FAF1: variants seen among roughly 807,000 people sequenced by gnomAD.
FAF1 encodes the protein Fas associated factor 1.
Under a neutral mutation model 92.5 loss-of-function variants are expected in FAF1, and 25 were observed. The observed-to-expected ratio is 0.27, with a 90% CI of 0.20 to 0.38. FAF1 has a LOEUF of 0.38. Among genes scored for constraint, FAF1 ranks in the 10% least tolerant of loss-of-function variants. The probability of loss-of-function intolerance (pLI) is 1.00; values close to 1 mark genes in which losing one functional copy is unlikely to be tolerated. For synonymous variants in FAF1, 234 were observed against 273.2 expected, an observed-to-expected ratio of 0.86 and a Z score of 1.42; for missense variants, 636 against 793.3, an observed-to-expected ratio of 0.80 and a Z score of 2.38.
chr1:50,458,031 T>C (rs1183743037), intron 18 of FAF1, among the ~76,000 whole-genome samples: 8 of 151,594 alleles, frequency 5.3e-5, no homozygotes, highest in Admixed American at 5.3e-4. Flanking sequence ...TTGACCAACA[T>C]GGAGAAACCC....
intron 1 of FAF1, among the ~76,000 whole-genome samples, chr1:50,914,770 C>T (rs1027207545): frequency 6.6e-6 from 1 of 152,176 alleles, no homozygotes; most frequent in East Asian, 1.9e-4. Context: ...CCTTCTATCT[C>T]GCTATCAAAG....
At chr1:50,770,432 G>A (rs1171523893) in intron 4 of FAF1, among the ~76,000 whole-genome samples, 3 of 152,104 alleles carry the variant, frequency 2.0e-5, no homozygotes, top group African/African-American at 4.8e-5. Flanking sequence ...ATCAATGTAC[G>A]AAAATCAGTA....
At chr1:50,752,440 T>A (rs1391040082) in intron 4 of FAF1, among the ~76,000 whole-genome samples, 1 of 152,220 alleles carries the variant, frequency 6.6e-6, no homozygotes, top group African/African-American at 2.4e-5. Flanking sequence ...AATATCACCT[T>A]ATAGTCCATG....
chr1:50,627,409 C>A (rs1653556834), intron 8 of FAF1, among the ~76,000 whole-genome samples: 1 of 151,920 alleles, frequency 6.6e-6, no homozygotes, highest in African/African-American at 2.4e-5. Flanking sequence ...TTTAAATAGC[C>A]CAGAAGTGAA....
intron 7 of FAF1, among the ~76,000 whole-genome samples, chr1:50,656,344 C>CAAAAAAAAAAAAAAA (rs77836738): frequency 1.3e-5 from 1 of 77,612 alleles, no homozygotes. Context: ...TACCACCGAC[C>CAAAAAAAAAAAAAAA]AAAAAAAAAA....
chr1:50,665,888 A>G (rs572130303), intron 7 of FAF1, among the ~76,000 whole-genome samples: 112 of 152,258 alleles, frequency 7.4e-4, no homozygotes, highest in African/African-American at 2.6e-3. Flanking sequence ...GCACAGAAAA[A>G]AGATCAGGCC....
chr1:50,637,943 C>T (rs1456964247), intron 8 of FAF1, among the ~76,000 whole-genome samples: 1 of 151,820 alleles, frequency 6.6e-6, no homozygotes, highest in Non-Finnish European at 1.5e-5. Flanking sequence ...AACACATGAT[C>T]ATGGTAGCTC....
chr1:50,825,712 C>T (rs1051329171), intron 2 of FAF1, among the ~76,000 whole-genome samples: 2 of 152,086 alleles, frequency 1.3e-5, no homozygotes, highest in Non-Finnish European at 2.9e-5. Context: ...CAAATCCAGA[C>T]TAGGCATTCT....
At chr1:50,525,534 T>C (rs1260300632) in intron 15 of FAF1, among the ~76,000 whole-genome samples, 1 of 152,228 alleles carries the variant, frequency 6.6e-6, no homozygotes, top group Non-Finnish European at 1.5e-5. Context: ...TCCTTTCCAA[T>C]CTGTATGCCT....
Position 50,595,877 on chromosome 1 carries a change from A to G in FAF1, c.840+244T>C, listed in dbSNP as rs531497444. ...CTTTGTTAGCCTGATGGTTCTAAGT[A>G]AAAATCATTTCAACCAATCCATCTG... On this transcript the variant is annotated intron_variant, in intron 9 of 18. Coordinates refer to ENST00000396153, the MANE Select transcript of FAF1 (RefSeq NM_007051.3). Among the ~76,000 whole-genome samples the G allele has an allele frequency of 3.9e-5, 6 of 152,252 alleles. No homozygotes were observed. In the South Asian group the frequency reaches 1.2e-3, roughly 32 times the overall value.
chr1:50,895,413 T>C (rs1644750478), intron 1 of FAF1, among the ~76,000 whole-genome samples: 1 of 152,184 alleles, frequency 6.6e-6, no homozygotes, highest in African/African-American at 2.4e-5. Context: ...CCGACGGCTT[T>C]ACCTGATGGC....
chr1:50,711,931 G>T (rs534953452), intron 6 of FAF1, among the ~76,000 whole-genome samples: 4 of 152,054 alleles, frequency 2.6e-5, no homozygotes, highest in Non-Finnish European at 5.9e-5. Context: ...CTTAACAAGC[G>T]CTACCACATA....
chr1:50,775,210 GT>G (rs1340779673), intron 4 of FAF1, among the ~76,000 whole-genome samples: 1 of 152,026 alleles, frequency 6.6e-6, no homozygotes, highest in Non-Finnish European at 1.5e-5. Flanking sequence ...AAAATTTCCT[GT>G]GATGGATGAA....
At chr1:50,900,947 T>C (rs1468884434) in intron 1 of FAF1, among the ~76,000 whole-genome samples, 15 of 152,032 alleles carry the variant, frequency 9.9e-5, no homozygotes, top group Non-Finnish European at 1.5e-5. Flanking sequence ...CTTGATGTGA[T>C]TTCTAATAGA....
Position 50,491,812 on chromosome 1 carries a change from A to G in FAF1, c.1495-11T>C. ...GGCTTCACGTTCATCCTTAAAGAAA[A>G]AGATTCAAATATTTTTTGACATATA... On this transcript the variant is annotated splice_polypyrimidine_tract_variant and intron_variant, in intron 15 of 18. Transcript: ENST00000396153. The G allele has an allele frequency of 6.3e-7, 1 of 1,597,124 alleles. No homozygotes were observed. The highest frequency in any genetic ancestry group is 8.5e-7 in the Non-Finnish European group (1 of 1,172,618).
chr1:50,759,708 A>G (rs1660243690), intron 4 of FAF1, among the ~76,000 whole-genome samples: 1 of 152,162 alleles, frequency 6.6e-6, no homozygotes, highest in Admixed American at 6.5e-5. Context: ...CTAGTTCTAG[A>G]TCCCTGAGGA....
intron 6 of FAF1, among the ~76,000 whole-genome samples, chr1:50,735,231 T>A (rs1659091544): frequency 6.6e-6 from 1 of 152,196 alleles, no homozygotes; most frequent in Admixed American, 6.5e-5. Flanking sequence ...GTTTTCTCCT[T>A]CCTAATTTTA....
intron 1 of FAF1, among the ~76,000 whole-genome samples, chr1:50,881,675 C>T (rs1557572469): frequency 6.6e-6 from 1 of 152,216 alleles, no homozygotes; most frequent in East Asian, 1.9e-4. Flanking sequence ...TTTTGCAGAG[C>T]TGATGTTGTT....
At chr1:50,860,257 G>C (rs1644421567) in intron 1 of FAF1, among the ~76,000 whole-genome samples, 1 of 151,900 alleles carries the variant, frequency 6.6e-6, no homozygotes, top group Admixed American at 6.6e-5. Context: ...TGACAAGTTA[G>C]ACCTAATTAT....
Sources: allele counts gnomAD v4.1 joint callset (sites outside exome capture counted in the v4.1 genomes callset), GRCh38; gene constraint gnomAD v4.1.1; transcripts MANE v1.5; gene names NCBI Gene and HGNC (gene_info 2026-07-23, HGNC 2026-07-21).